DALRD3: variants seen among roughly 807,000 people sequenced by gnomAD.
The protein encoded by DALRD3 is DALR anticodon-binding domain-containing protein 3.
DALRD3 carries 47 observed loss-of-function variants against 56.7 expected under a neutral mutation model. The observed-to-expected ratio is 0.83, with a 90% CI of 0.66 to 1.06. The LOEUF (loss-of-function observed/expected upper bound fraction) is 1.06. Among genes scored for constraint, DALRD3 ranks in the 50% least tolerant of loss-of-function variants. The pLI is 0.00. For missense variants in DALRD3, 787 were observed against 724.0 expected (o/e 1.09, Z -1.00); for synonymous variants, 347 against 308.5 (o/e 1.12, Z -1.31).
intron 8 of DALRD3, 35 bp from the exon 9 acceptor site, chr3:49,016,375 G>A (rs1384209378): frequency 1.2e-6 from 2 of 1,603,262 alleles, no homozygotes; most frequent in East Asian, 4.5e-5. Context: ...GAGAGAGAAG[G>A]CAGCCACCAC....
In DALRD3 at chr3:49,017,060, C is replaced by T. The variant is rs1575289874; in HGVS notation, c.927+168G>A. ...TTCTTGGGATGTGTCTACAGACCCC[C>T]CTTCCCCAGAGCCTCTGCACCTGCT... is the stretch of plus-strand genomic sequence containing the variant. On this transcript the variant is annotated intron_variant, in intron 5 of 11. Coordinates refer to ENST00000341949, the MANE Select transcript of DALRD3 (RefSeq NM_001009996.3). 4 of 1,017,714 alleles carry T rather than the reference C, an allele frequency of 3.9e-6. No individual in the cohort carries two copies. The East Asian group carries it at 7.6e-5, about 19-fold the overall frequency. The allele number at this position is 1,017,714 out of a possible 1,614,324, so 63.0% of individuals were successfully genotyped here.
Position 49,018,033 on chromosome 3 carries a change from G to T in DALRD3, c.451C>A (p.Arg151Ser), listed in dbSNP as rs868194425. 2 of 1,485,988 alleles carry T rather than the reference G, an allele frequency of 1.3e-6. No homozygotes were observed. Among genetic ancestry groups the T allele is most frequent in the Non-Finnish European group, 8.9e-7 (1 of 1,128,554 alleles). The allele number at this position is 1,485,988 out of a possible 1,614,324, so 92.1% of individuals were successfully genotyped here. A position where few individuals can be genotyped will look rare whatever the true frequency, so the allele number is the denominator to read the frequency against. Residue 151 changes from arginine (R) to serine (S), a missense_variant, in exon 2 of 12, where the codon CGC (arginine) becomes AGC (serine). Arg to Ser is a moderately radical substitution (Grantham distance 110, BLOSUM62 -1). Transcript: ENST00000341949. ...LVADHLARAL[R>S]AHGVCVRLVP... ...CGCGGCCCCGCTCACCCGTGAGCGC[G>T]CAGGGCTCGCGCCAGGTGATCGGCC...
upstream of DALRD3, among the ~76,000 whole-genome samples, chr3:49,019,903 C>T (rs1341889161): frequency 6.6e-6 from 1 of 152,202 alleles, no homozygotes; most frequent in Non-Finnish European, 1.5e-5. Context: ...AGAAAATAGG[C>T]CTCAGTTGGA....
upstream of DALRD3, chr3:49,018,814 C>T (rs1313964563): frequency 2.0e-6 from 2 of 985,332 alleles, no homozygotes; most frequent in African/African-American, 3.5e-5. Flanking sequence ...CGCTGTGACC[C>T]AGGCCTTAAC....
intron 1 of DALRD3, 40 bp downstream of exon 1, chr3:49,018,360 C>T (rs1217352527): frequency 6.6e-7 from 1 of 1,523,774 alleles, no homozygotes; most frequent in Admixed American, 2.1e-5. Flanking sequence ...GGCACGGGGC[C>T]CATCTCCCGG....
Position 49,017,464 on chromosome 3 carries a change from C to A in DALRD3, c.768G>T (p.Trp256Cys). ...CTGGGTGGCTGTCCTCGGGCCAATGCCATAGAGCCTCTTGCAGCTCAGCCA... is the reference window on the plus strand; with the variant it reads ...CTGGGTGGCTGTCCTCGGGCCAATGACATAGAGCCTCTTGCAGCTCAGCCA... ...SVLAELQEAL[W>C]HWPEDSHPGL... The change falls in exon 4 of 12, where the codon TGG becomes TGT. Residue 256 changes from tryptophan (W) to cysteine (C), a missense_variant. Physicochemically the swap from Trp to Cys is radical, Grantham distance 215 (BLOSUM62 -2). Coordinates refer to ENST00000341949, the MANE Select transcript of DALRD3 (RefSeq NM_001009996.3). 1 of 1,614,150 alleles carries A rather than the reference C, an allele frequency of 6.2e-7. No individual in the cohort carries two copies.
upstream of DALRD3, chr3:49,018,699 G>C: frequency 2.8e-6 from 4 of 1,407,114 alleles, no homozygotes; most frequent in Non-Finnish European, 3.7e-6. Context: ...AGCCCTGTCG[G>C]CTGCTTTCGA....
At chr3:49,017,988 C>A (rs2106741429) in intron 2 of DALRD3, 35 bp downstream of exon 2, 1 of 1,478,610 alleles carries the variant, frequency 6.8e-7, no homozygotes, top group East Asian at 2.4e-5. Context: ...CCGGCAGTCC[C>A]ACTTTCTCCA....
intron 9 of DALRD3, 32 bp downstream of exon 9, chr3:49,016,126 T>G (rs1303564624): frequency 6.2e-7 from 1 of 1,610,958 alleles, no homozygotes; most frequent in Non-Finnish European, 8.5e-7. Context: ...AGTCCAGGCC[T>G]CCTTGTGCCA....
chr3:49,017,497 G>A lies in DALRD3; in HGVS notation c.735C>T (p.Leu245=), dbSNP rs200180016. 1 of 1,614,134 alleles carries A rather than the reference G, an allele frequency of 6.2e-7. No individual in the cohort carries two copies. ...CCTCTTGCAGCTCAGCCAGCACAGAGAGGAGATCCTCAGTCACTGAAAAGA... is the reference window on the plus strand; with the variant it reads ...CCTCTTGCAGCTCAGCCAGCACAGAAAGGAGATCCTCAGTCACTGAAAAGA... ...LDNCLVTEDL[L]SVLAELQEAL... is the part of the protein sequence containing the mutation. The change falls in exon 4 of 12, where the codon CTC becomes CTT. Residue 245 remains leucine, a synonymous_variant. Coordinates refer to ENST00000341949, the MANE Select transcript of DALRD3 (RefSeq NM_001009996.3).
upstream of DALRD3, chr3:49,020,206 G>A: frequency 3.7e-6 from 2 of 534,776 alleles, no homozygotes; most frequent in Middle Eastern, 6.4e-4. Flanking sequence ...CACTCAACGG[G>A]AGTGATCGTG....
rs2106742620 is a variant in DALRD3 at position 49,018,111 on chromosome 3, G to A, written c.373C>T (p.Leu125=). The A allele has an allele frequency of 4.7e-6, 7 of 1,482,716 alleles. No homozygotes were observed. The East Asian group carries it at 1.6e-4, about 35-fold the overall frequency. 91.8% of individuals were successfully genotyped at this position (1,482,716 alleles called of 1,614,324 possible). A position where few individuals can be genotyped will look rare whatever the true frequency, so the allele number is the denominator to read the frequency against. The change falls in exon 2 of 12, where the codon CTG becomes TTG. Residue 125 remains leucine (L), a synonymous_variant. Transcript: ENST00000341949. Reference sequence around the variant, plus strand: ...CGGAGTGCGCAGGGGGAGCTGCGCAGTGCTGGGCAGTGTAGTAAGACGCGC... The same window carrying A: ...CGGAGTGCGCAGGGGGAGCTGCGCAATGCTGGGCAGTGTAGTAAGACGCGC... The part of the protein sequence containing the change: ...GQRVLLHCPA[L]RSSPCALRLS...
At position 49,018,056 on chromosome 3, in the gene DALRD3, G is replaced by T; in HGVS notation, c.428C>A (p.Ala143Asp). ...GCGCAGGGCTCGCGCCAGGTGATCGGCCACGAGCACCGTACGCAGCTGGCT... is the reference window on the plus strand; with the variant it reads ...GCGCAGGGCTCGCGCCAGGTGATCGTCCACGAGCACCGTACGCAGCTGGCT... ...RLSQLRTVLV[A>D]DHLARALRAH... is the part of the protein sequence containing the mutation. Residue 143 changes from alanine to aspartate, a missense_variant, in exon 2 of 12, where the codon GCC (alanine) becomes GAC (aspartate). Ala to Asp is a moderately radical substitution (Grantham distance 126). Transcript: ENST00000341949. The T allele has an allele frequency of 1.3e-6, 2 of 1,490,904 alleles. No individual in the cohort carries two copies. Among genetic ancestry groups the T allele is most frequent in the Non-Finnish European group, 1.8e-6 (2 of 1,130,694 alleles). The allele number at this position is 1,490,904 out of a possible 1,614,324, so 92.4% of individuals were successfully genotyped here. A position where few individuals can be genotyped will look rare whatever the true frequency, so the allele number is the denominator to read the frequency against.
In DALRD3 at chr3:49,018,191, A is replaced by G; in HGVS notation, c.293T>C (p.Val98Ala). The G allele has an allele frequency of 3.5e-6, 5 of 1,448,588 alleles. No individual in the cohort carries two copies. Among genetic ancestry groups the G allele is most frequent in the Non-Finnish European group, 4.5e-6 (5 of 1,112,506 alleles). The allele number at this position is 1,448,588 out of a possible 1,614,324, so 89.7% of individuals were successfully genotyped here. ...QLQRSAVFER[V>A]LSAVAAYATP... ...GGCATAGGCGGCCACGGCGCTGAGG[A>G]CGCGCTCGAAGACGGCGGACCGCTG... Residue 98 changes from valine (V) to alanine (A), a missense_variant, in exon 2 of 12, where the codon GTC becomes GCC. Physicochemically the swap from Val to Ala is moderately conservative, Grantham distance 64. Coordinates refer to ENST00000341949, the MANE Select transcript of DALRD3 (RefSeq NM_001009996.3).
rs757036832 is a variant in DALRD3, at chr3:49,015,785, C to T, written c.1512+19G>A. 23 of 1,614,010 alleles carry T rather than the reference C, an allele frequency of 1.4e-5. No homozygotes were observed. The highest frequency in any genetic ancestry group is 1.6e-4 in the Middle Eastern group (1 of 6,084). Reference sequence around the variant, plus strand: ...CTATACCTCTCTGCACGTCCCACCCCATTTTGCTGTGTGCTCACCCCCAGG... The same window carrying T: ...CTATACCTCTCTGCACGTCCCACCCTATTTTGCTGTGTGCTCACCCCCAGG... On this transcript the variant is annotated intron_variant, in intron 11 of 11. Coordinates refer to ENST00000341949, the MANE Select transcript of DALRD3 (RefSeq NM_001009996.3).
upstream of DALRD3, among the ~76,000 whole-genome samples, chr3:49,019,547 T>C (rs2093133817): frequency 6.6e-6 from 1 of 151,454 alleles, no homozygotes; most frequent in Admixed American, 6.6e-5. Context: ...TGGTGTGATC[T>C]TGGCTCACCG....
At position 49,016,024 on chromosome 3, in the gene DALRD3, T is replaced by C; in HGVS notation, c.1392A>G (p.Ala464=). 1.2e-6 allele frequency: 2 copies of C among 1,604,302 alleles called. No homozygotes were observed. The highest frequency in any genetic ancestry group is 2.2e-5 in the East Asian group (1 of 44,702). The stretch of plus-strand genomic sequence containing the variant: ...GCCCCGGGGCTGTGCAGTCCAGCAC[T>C]GCTGTCCGGCTCAGCAGATCCGGAA... ...LPFPDLLSRT[A]VLDCTAPGLH... is the part of the protein sequence containing the mutation. Residue 464 remains alanine (A), a synonymous_variant, in exon 10 of 12, where the codon GCA becomes GCG. Coordinates refer to ENST00000341949, the MANE Select transcript of DALRD3 (RefSeq NM_001009996.3).
upstream of DALRD3, chr3:49,020,775 C>A: frequency 2.4e-6 from 1 of 419,200 alleles, no homozygotes. Flanking sequence ...AGAACCCGCC[C>A]ATCCCCAGTC....
chr3:49,015,627 G>A lies in DALRD3; in HGVS notation c.1593C>T (p.Gly531=). The change falls in exon 12 of 12, where the codon GGC becomes GGT. Residue 531 remains glycine, a synonymous_variant. Coordinates refer to ENST00000341949, the MANE Select transcript of DALRD3 (RefSeq NM_001009996.3). ...GTGGAGGGAGACCCAGCATAGCCAG[G>A]CCAGTATGGAGCACCTCACGCACAG... is the stretch of plus-strand genomic sequence containing the variant. ...LRAVREVLHT[G]LAMLGLPPLS... is the part of the protein sequence containing the mutation. The A allele has an allele frequency of 6.2e-7, 1 of 1,614,138 alleles. No individual in the cohort carries two copies. Among genetic ancestry groups the A allele is most frequent in the Non-Finnish European group, 8.5e-7 (1 of 1,180,028 alleles).
Sources: allele counts gnomAD v4.1 joint callset (sites outside exome capture counted in the v4.1 genomes callset), GRCh38; gene constraint gnomAD v4.1.1; transcripts MANE v1.5; gene names NCBI Gene and HGNC (gene_info 2026-07-23, HGNC 2026-07-21).